Variants in GRIA2 observed in about 807,000 individuals in gnomAD.
GRIA2 encodes the protein glutamate ionotropic receptor AMPA type subunit 2, also known as glutamate receptor 2.
GRIA2 carries 14 observed loss-of-function variants against 97.3 expected under a neutral mutation model. That is an observed-to-expected ratio of 0.14 (90% CI 0.10 to 0.23). GRIA2 has a LOEUF of 0.23. Ranked by LOEUF, GRIA2 falls within the 10% of genes least tolerant of loss-of-function variation. The probability of loss-of-function intolerance (pLI) is 1.00; values close to 1 mark genes in which losing one functional copy is unlikely to be tolerated. For synonymous variants in GRIA2, 412 were observed against 387.8 expected (o/e 1.06, Z -0.73); for missense variants, 558 against 1,069.8 (o/e 0.52, Z 6.67).
chr4:157,324,983 T>C (rs183990485), intron 6 of GRIA2, among the ~76,000 whole-genome samples: 2 of 152,276 alleles, frequency 1.3e-5, no homozygotes, highest in Admixed American at 6.5e-5. Flanking sequence ...GCCTGATAAA[T>C]TCATATCACA....
intron 2 of GRIA2, among the ~76,000 whole-genome samples, chr4:157,252,994 C>G (rs887834361): frequency 1.3e-5 from 2 of 152,026 alleles, no homozygotes; most frequent in Non-Finnish European, 2.9e-5. Flanking sequence ...AGCAGTGTTA[C>G]TCTCCTAATT....
chr4:157,248,070 T>TAA (rs1353607659), intron 2 of GRIA2, among the ~76,000 whole-genome samples: 1 of 151,688 alleles, frequency 6.6e-6, no homozygotes, highest in South Asian at 2.1e-4. Context: ...TATATATATA[T>TAA]AATCATATCA....
At chr4:157,335,129 G>A (rs1307961825) in intron 9 of GRIA2, 1 of 159,498 alleles carries the variant, frequency 6.3e-6, no homozygotes, top group Admixed American at 5.9e-5. Flanking sequence ...GTATCTCACA[G>A]ATGAAGTGAG....
At chr4:157,261,523 G>T (rs1056444824) in intron 2 of GRIA2, among the ~76,000 whole-genome samples, 4 of 152,058 alleles carry the variant, frequency 2.6e-5, no homozygotes, top group Admixed American at 6.6e-5. Context: ...ACCAGACTCA[G>T]AAATTAAGTA....
intron 2 of GRIA2, among the ~76,000 whole-genome samples, chr4:157,254,955 G>T (rs1238747635): frequency 2.6e-5 from 4 of 151,858 alleles, no homozygotes; most frequent in Non-Finnish European, 5.9e-5. Context: ...AAATTTAAGG[G>T]GCACAAGTGC....
intron 12 of GRIA2, among the ~76,000 whole-genome samples, chr4:157,347,925 A>T (rs1735831267): frequency 6.6e-6 from 1 of 152,110 alleles, no homozygotes; most frequent in South Asian, 2.1e-4. Context: ...AGAGATTGAG[A>T]CCATCCTGGC....
chr4:157,265,470 A>T (rs1306470210), intron 2 of GRIA2, among the ~76,000 whole-genome samples: 3 of 152,134 alleles, frequency 2.0e-5, no homozygotes, highest in African/African-American at 7.2e-5. Flanking sequence ...TTCGAATTGC[A>T]TGATGACTGC....
At chr4:157,302,613 A>G (rs905098043) in intron 2 of GRIA2, among the ~76,000 whole-genome samples, 1 of 152,210 alleles carries the variant, frequency 6.6e-6, no homozygotes, top group African/African-American at 2.4e-5. Flanking sequence ...TGAGAAAAAA[A>G]TGAATTAATG....
chr4:157,341,065 T>C (rs1170041995), intron 11 of GRIA2, among the ~76,000 whole-genome samples, 199 bp from the exon 12 acceptor site: 1 of 152,108 alleles, frequency 6.6e-6, no homozygotes, highest in Non-Finnish European at 1.5e-5. Flanking sequence ...TTGACCTGTG[T>C]GTATGTTATT....
At chr4:157,225,401 A>G (rs1166292716) in intron 2 of GRIA2, among the ~76,000 whole-genome samples, 3 of 151,920 alleles carry the variant, frequency 2.0e-5, no homozygotes, top group Admixed American at 1.3e-4. Context: ...CTTAGCTGAA[A>G]AGAGAACTAA....
chr4:157,297,012 C>T (rs1226689865), intron 2 of GRIA2, among the ~76,000 whole-genome samples: 1 of 152,158 alleles, frequency 6.6e-6, no homozygotes, highest in African/African-American at 2.4e-5. Flanking sequence ...TGAGCAAATG[C>T]TATACGTGCT....
At chr4:157,258,188 C>T (rs1579310739) in intron 2 of GRIA2, among the ~76,000 whole-genome samples, 1 of 152,002 alleles carries the variant, frequency 6.6e-6, no homozygotes, top group Non-Finnish European at 1.5e-5. Flanking sequence ...GTTCAGGGAA[C>T]AAGGGAGATA....
At chr4:157,353,323 G>C (rs1226760174) in intron 12 of GRIA2, among the ~76,000 whole-genome samples, 2 of 151,510 alleles carry the variant, frequency 1.3e-5, no homozygotes, top group African/African-American at 4.9e-5. Flanking sequence ...TTGCACTCCA[G>C]TCTGGGCAAC....
At chr4:157,241,286 C>T (rs1034768206) in intron 2 of GRIA2, among the ~76,000 whole-genome samples, 10 of 152,024 alleles carry the variant, frequency 6.6e-5, no homozygotes, top group East Asian at 1.9e-4. Flanking sequence ...TTGTTTGAGA[C>T]GCCTAATTCT....
intron 2 of GRIA2, among the ~76,000 whole-genome samples, chr4:157,228,327 T>C (rs867176817): frequency 4.6e-5 from 7 of 152,236 alleles, no homozygotes; most frequent in African/African-American, 1.7e-4. Context: ...TTGAATCCTA[T>C]TTAGACAGAG....
chr4:157,240,032 TG>T (rs1413346590), intron 2 of GRIA2, among the ~76,000 whole-genome samples: 1 of 152,144 alleles, frequency 6.6e-6, no homozygotes, highest in Admixed American at 6.6e-5. Flanking sequence ...TGTCCTTTTG[TG>T]GTTGACCATG....
At chr4:157,351,873 T>C (rs968372679) in intron 12 of GRIA2, among the ~76,000 whole-genome samples, 1 of 152,206 alleles carries the variant, frequency 6.6e-6, no homozygotes, top group Non-Finnish European at 1.5e-5. Flanking sequence ...GTTAAATGAG[T>C]CCTCTCCAGC....
chr4:157,359,266 A>G (rs904196146), intron 12 of GRIA2, among the ~76,000 whole-genome samples: 3 of 152,222 alleles, frequency 2.0e-5, no homozygotes, highest in Non-Finnish European at 4.4e-5. Flanking sequence ...TTTCCAGTAT[A>G]TCTTGAAATA....
intron 2 of GRIA2, among the ~76,000 whole-genome samples, chr4:157,273,382 A>G (rs1560740456): frequency 1.3e-5 from 2 of 152,042 alleles, no homozygotes; most frequent in Admixed American, 1.3e-4. Flanking sequence ...AACAGACAGA[A>G]CAAGCATCAG....
Sources: allele counts gnomAD v4.1 joint callset (sites outside exome capture counted in the v4.1 genomes callset), GRCh38; gene constraint gnomAD v4.1.1; transcripts MANE v1.5; gene names NCBI Gene and HGNC (gene_info 2026-07-23, HGNC 2026-07-21).